The following CAMK1D variants were observed in gnomAD, a reference collection of about 807,000 sequenced individuals.
CAMK1D encodes the protein calcium/calmodulin dependent protein kinase ID.
Under a neutral mutation model 47.7 loss-of-function variants are expected in CAMK1D, and 9 were observed. The observed-to-expected ratio is 0.19, with a 90% confidence interval of 0.11 to 0.33. The LOEUF is 0.33. CAMK1D is among the 10% of genes least tolerant of loss of function. CAMK1D has a pLI of 1.00. For missense variants in CAMK1D, 291 were observed against 488.7 expected, an observed-to-expected ratio of 0.60 and a Z score of 3.81; for synonymous variants, 184 against 184.9, an observed-to-expected ratio of 0.99 and a Z score of 0.04.
At chr10:12,357,612 G>C (rs957365053) in intron 1 of CAMK1D, among the ~76,000 whole-genome samples, 1 of 152,132 alleles carries the variant, frequency 6.6e-6, no homozygotes, top group Non-Finnish European at 1.5e-5. Context: ...CACTGCACTC[G>C]GCCATTATGT....
At chr10:12,439,777 T>C (rs1832731580) in intron 1 of CAMK1D, among the ~76,000 whole-genome samples, 1 of 152,252 alleles carries the variant, frequency 6.6e-6, no homozygotes, top group African/African-American at 2.4e-5. Context: ...ACGCTGCTGA[T>C]GAAGACATAC....
intron 2 of CAMK1D, among the ~76,000 whole-genome samples, chr10:12,632,438 G>C (rs1488262155): frequency 6.6e-6 from 1 of 152,216 alleles, no homozygotes; most frequent in African/African-American, 2.4e-5. Flanking sequence ...ACAGCTGATA[G>C]GGTCGGATCA....
chr10:12,828,616 G>A (rs781195016), intron 10 of CAMK1D, among the ~76,000 whole-genome samples, 153 bp from the exon 11 acceptor site: 22 of 151,018 alleles, frequency 1.5e-4, no homozygotes, highest in Non-Finnish European at 2.2e-4. Context: ...ACTCCAGCCT[G>A]GTGAAAAGAG....
At chr10:12,465,545 G>A (rs1833565725) in intron 1 of CAMK1D, among the ~76,000 whole-genome samples, 1 of 152,122 alleles carries the variant, frequency 6.6e-6, no homozygotes, top group Admixed American at 6.5e-5. Flanking sequence ...AGTAGAGATG[G>A]CGTTTCACCA....
chr10:12,534,658 G>T (rs980538483), intron 1 of CAMK1D, among the ~76,000 whole-genome samples: 1 of 152,088 alleles, frequency 6.6e-6, no homozygotes, highest in Admixed American at 6.5e-5. Flanking sequence ...GAGCCACAGC[G>T]CCTGGCCAAA....
At chr10:12,379,292 A>G (rs4747979) in intron 1 of CAMK1D, among the ~76,000 whole-genome samples, 44,691 of 152,136 alleles carry the variant, frequency 0.29, 7,422 homozygotes, top group East Asian at 0.42. Flanking sequence ...ACTGCTCACC[A>G]GGGATCTGTC....
chr10:12,711,875 A>G (rs1833951110), intron 3 of CAMK1D, among the ~76,000 whole-genome samples: 1 of 152,236 alleles, frequency 6.6e-6, no homozygotes, highest in Non-Finnish European at 1.5e-5. Context: ...AACTTGGTCC[A>G]AAATAAAATT....
At chr10:12,626,382 T>A (rs1222517275) in intron 2 of CAMK1D, among the ~76,000 whole-genome samples, 1 of 152,088 alleles carries the variant, frequency 6.6e-6, no homozygotes, top group Non-Finnish European at 1.5e-5. Context: ...CTTTGCTCCG[T>A]TCCTTCCCAG....
intron 1 of CAMK1D, among the ~76,000 whole-genome samples, chr10:12,512,568 C>T (rs772873501): frequency 3.9e-5 from 6 of 152,118 alleles, no homozygotes; most frequent in Non-Finnish European, 7.3e-5. Flanking sequence ...CTAAATGTGG[C>T]ATGTCTTTAT....
In CAMK1D at chr10:12,649,080, C is replaced by T. The variant is rs552132715; in HGVS notation, c.225-17656C>T. 3.9e-5 allele frequency among the ~76,000 whole-genome samples: 6 copies of T among 152,270 alleles called. No homozygotes were observed. The South Asian group carries it at 1.2e-3, about 32-fold the overall frequency. On this transcript the variant is annotated intron_variant, in intron 2 of 10. Coordinates refer to ENST00000619168, the MANE Select transcript of CAMK1D (RefSeq NM_153498.4). The stretch of plus-strand genomic sequence containing the variant: ...ACCGGGTTTTACTATGTTGCCCAGG[C>T]TGGTCTTGACCTCCTGGCTTCAAGC...
intron 5 of CAMK1D, among the ~76,000 whole-genome samples, chr10:12,776,296 G>A (rs1274282424): frequency 6.6e-6 from 1 of 152,262 alleles, no homozygotes; most frequent in African/African-American, 2.4e-5. Flanking sequence ...CTGGGAGGGT[G>A]CAGTTGTCTT....
At chr10:12,683,539 CCTGT>C (rs1485487318) in intron 3 of CAMK1D, among the ~76,000 whole-genome samples, 9 of 152,050 alleles carry the variant, frequency 5.9e-5, no homozygotes, top group South Asian at 2.1e-4. Flanking sequence ...GATAGCCCTT[CCTGT>C]CTTTTTTCAC....
At chr10:12,567,745 G>A (rs978728207) in intron 2 of CAMK1D, among the ~76,000 whole-genome samples, 21 of 152,116 alleles carry the variant, frequency 1.4e-4, no homozygotes, top group Admixed American at 8.5e-4. Flanking sequence ...TGATGTCGTC[G>A]TTTGTTTAAT....
chr10:12,787,006 C>G (rs955449438), intron 5 of CAMK1D, among the ~76,000 whole-genome samples: 4 of 152,086 alleles, frequency 2.6e-5, no homozygotes, highest in Non-Finnish European at 5.9e-5. Context: ...ATATGTAATC[C>G]CAGCTGCTGG....
rs148899382 is a variant in CAMK1D, at chr10:12,580,528, A to G, written c.224+27172A>G. 1.2e-4 allele frequency among the ~76,000 whole-genome samples: 19 copies of G among 152,268 alleles called. 1 individual carries two copies. In the East Asian group the frequency reaches 2.9e-3, roughly 23 times the overall value. On this transcript the variant is annotated intron_variant, in intron 2 of 10. Transcript: ENST00000619168. ...AGTGAAACATGTACTTTGTATGCAG[A>G]ACTCTTACTCTTCAAACAGGACTTA...
intron 1 of CAMK1D, among the ~76,000 whole-genome samples, chr10:12,401,104 TA>T (rs1839175019): frequency 2.5e-5 from 2 of 81,016 alleles, no homozygotes; most frequent in Non-Finnish European, 4.4e-5. Context: ...ATTATATATA[TA>T]TTTTATATAT....
At chr10:12,632,842 G>A (rs367963319) in intron 2 of CAMK1D, among the ~76,000 whole-genome samples, 32 of 152,152 alleles carry the variant, frequency 2.1e-4, no homozygotes, top group Admixed American at 1.0e-3. Flanking sequence ...TTACAGGCAC[G>A]CACCACCACG....
At chr10:12,565,587 A>C (rs1837098040) in intron 2 of CAMK1D, among the ~76,000 whole-genome samples, 2 of 152,218 alleles carry the variant, frequency 1.3e-5, no homozygotes, top group Admixed American at 1.3e-4. Context: ...TTATTGAAGA[A>C]CAAAATGTAC....
chr10:12,801,137 A>G (rs995005130), intron 6 of CAMK1D, among the ~76,000 whole-genome samples: 94 of 151,998 alleles, frequency 6.2e-4, no homozygotes, highest in Non-Finnish European at 1.2e-3. Context: ...AGTTGGGATG[A>G]AAAGGAGAAG....
Sources: allele counts gnomAD v4.1 joint callset (sites outside exome capture counted in the v4.1 genomes callset), GRCh38; gene constraint gnomAD v4.1.1; transcripts MANE v1.5; gene names NCBI Gene and HGNC (gene_info 2026-07-23, HGNC 2026-07-21).